XYLT1: variants seen among roughly 807,000 people sequenced by gnomAD.
XYLT1 encodes the protein xylosyltransferase 1, also known as beta-D-xylosyltransferase 1.
A neutral mutation model predicts 91.3 loss-of-function variants in XYLT1; 36 were observed. The observed-to-expected ratio is 0.39, with a 90% CI of 0.30 to 0.52. XYLT1 has a LOEUF of 0.52. Ranked by LOEUF, XYLT1 falls within the 20% of genes least tolerant of loss-of-function variation. The pLI is 0.68. For missense variants in XYLT1, 1,242 were observed against 1,284.5 expected, an observed-to-expected ratio of 0.97 and a Z score of 0.51; for synonymous variants, 588 against 532.0, an observed-to-expected ratio of 1.11 and a Z score of -1.45.
intron 6 of XYLT1, among the ~76,000 whole-genome samples, chr16:17,154,514 G>C (rs2031358970): frequency 6.6e-6 from 1 of 152,204 alleles, no homozygotes; most frequent in South Asian, 2.1e-4. Context: ...CAAGGCCAGG[G>C]ACTTGTAGGG....
At chr16:17,314,330 G>A (rs968166765) in intron 2 of XYLT1, among the ~76,000 whole-genome samples, 1 of 152,094 alleles carries the variant, frequency 6.6e-6, no homozygotes, top group African/African-American at 2.4e-5. Context: ...AGCACCCTTG[G>A]GGTGCTGCAG....
intron 5 of XYLT1, among the ~76,000 whole-genome samples, chr16:17,168,217 TAAGG>T: frequency 6.6e-6 from 1 of 152,166 alleles, no homozygotes; most frequent in Non-Finnish European, 1.5e-5. Flanking sequence ...GTGAACTGGA[TAAGG>T]AAGATGCGGT....
At chr16:17,426,656 T>G (rs1053631930) in intron 1 of XYLT1, among the ~76,000 whole-genome samples, 1 of 152,198 alleles carries the variant, frequency 6.6e-6, no homozygotes, top group Admixed American at 6.5e-5. Context: ...TAAATAAAGT[T>G]TTATTGACAC....
chr16:17,446,209 G>C (rs1182679489), intron 1 of XYLT1: 2 of 152,192 alleles, frequency 1.3e-5, no homozygotes, highest in Non-Finnish European at 2.9e-5. Flanking sequence ...CCAGCTGAGG[G>C]AGAAATCCAG....
At chr16:17,464,489 C>CAAA (rs34575069) in intron 1 of XYLT1, among the ~76,000 whole-genome samples, 6 of 120,056 alleles carry the variant, frequency 5.0e-5, no homozygotes, top group African/African-American at 1.6e-4. Flanking sequence ...AAAACTGTCT[C>CAAA]AAAAAAAAAA....
At chr16:17,412,221 T>C (rs563089984) in intron 1 of XYLT1, among the ~76,000 whole-genome samples, 1 of 152,112 alleles carries the variant, frequency 6.6e-6, no homozygotes, top group East Asian at 1.9e-4. Context: ...AGGTGCAGTT[T>C]GTTCTCACAG....
intron 5 of XYLT1, among the ~76,000 whole-genome samples, chr16:17,183,298 C>A (rs1169390961): frequency 2.0e-5 from 3 of 152,062 alleles, no homozygotes; most frequent in East Asian, 1.9e-4. Flanking sequence ...TCTGATGTAC[C>A]CTGCTCATCT....
At chr16:17,164,887 C>T (rs2031641402) in intron 5 of XYLT1, among the ~76,000 whole-genome samples, 1 of 152,162 alleles carries the variant, frequency 6.6e-6, no homozygotes, top group Non-Finnish European at 1.5e-5. Flanking sequence ...GGAGTTCCCA[C>T]AACACAGGAC....
chr16:17,136,872 T>G (rs543756809), intron 8 of XYLT1, among the ~76,000 whole-genome samples: 1 of 152,216 alleles, frequency 6.6e-6, no homozygotes, highest in African/African-American at 2.4e-5. Context: ...TACAAATGCT[T>G]GTGCCTGGGG....
At chr16:17,337,294 C>G (rs940877145) in intron 2 of XYLT1, among the ~76,000 whole-genome samples, 1 of 152,000 alleles carries the variant, frequency 6.6e-6, no homozygotes. Context: ...TTCAAGCCAG[C>G]CTCCCACTTC....
chr16:17,418,331 G>A (rs1482815411), intron 1 of XYLT1, among the ~76,000 whole-genome samples: 6 of 152,150 alleles, frequency 3.9e-5, no homozygotes, highest in African/African-American at 1.4e-4. Flanking sequence ...TAAGGTGGAG[G>A]CTGGATTTAT....
At chr16:17,300,748 C>T (rs988120866) in intron 2 of XYLT1, among the ~76,000 whole-genome samples, 13 of 151,786 alleles carry the variant, frequency 8.6e-5, no homozygotes, top group East Asian at 3.9e-4. Flanking sequence ...TGTGAACCAC[C>T]GCGCCCAGCC....
At chr16:17,379,763 T>A (rs138403863) in intron 1 of XYLT1, among the ~76,000 whole-genome samples, 41,078 of 123,260 alleles carry the variant, frequency 0.33, 7,399 homozygotes, top group African/African-American at 0.38. Flanking sequence ...TCTCTCTCTC[T>A]CACACACACA....
At chr16:17,342,243 G>T (rs2035071988) in intron 2 of XYLT1, among the ~76,000 whole-genome samples, 1 of 152,182 alleles carries the variant, frequency 6.6e-6, no homozygotes, top group Admixed American at 6.5e-5. Context: ...GGCTGCTCCT[G>T]TTCCTTCCTC....
Position 17,312,087 on chromosome 16 carries a change from T to C in XYLT1, c.402+45925A>G, listed in dbSNP as rs1409917582. Among the ~76,000 whole-genome samples the C allele has an allele frequency of 1.3e-5, 2 of 152,160 alleles. No homozygotes were observed. Among genetic ancestry groups the C allele is most frequent in the Non-Finnish European group, 2.9e-5 (2 of 68,020 alleles). On this transcript the variant is annotated intron_variant, in intron 2 of 11. Coordinates refer to ENST00000261381, the MANE Select transcript of XYLT1 (RefSeq NM_022166.4). The surrounding 1 kb of genome is among the most constrained non-coding windows in gnomAD (Gnocchi z 4.4). ...AGGTCTGAGGCCCAGAAAGGCCTTC[T>C]AGAAGAGTCAAGGTGTGAGCTGGAG...
intron 11 of XYLT1, among the ~76,000 whole-genome samples, chr16:17,115,789 C>T (rs1966850781): frequency 1.0e-5 from 1 of 97,122 alleles, no homozygotes; most frequent in Non-Finnish European, 1.9e-5. Flanking sequence ...CCCAGCCAAC[C>T]TCTGTTATAT....
intron 2 of XYLT1, among the ~76,000 whole-genome samples, chr16:17,273,763 G>A (rs573203722): frequency 6.0e-5 from 9 of 149,384 alleles, no homozygotes; most frequent in Admixed American, 2.7e-4. Flanking sequence ...AGGATCGCTT[G>A]AACCCGGGAG....
rs368039176 is a variant in XYLT1 at position 17,244,138 on chromosome 16, TA to T, written c.913+14849del. ...CACTGAATCAGGGAAAGGGCAGAAC[TA>T]GGGGGAACAGGATGTTCTCCCAGGT... On this transcript the variant is annotated intron_variant, in intron 3 of 11. Coordinates refer to ENST00000261381, the MANE Select transcript of XYLT1 (RefSeq NM_022166.4). 1.1e-3 allele frequency among the ~76,000 whole-genome samples: 166 copies of T among 152,216 alleles called. 2 individuals carry two copies. In the South Asian group the frequency reaches 0.02, roughly 18 times the overall value.
At chr16:17,232,221 C>T (rs1232003410) in intron 3 of XYLT1, among the ~76,000 whole-genome samples, 2 of 112,122 alleles carry the variant, frequency 1.8e-5, no homozygotes, top group African/African-American at 3.9e-5. Context: ...TATATATACA[C>T]CTTCATATTT....
Sources: gnomAD v4.1 joint callset for allele counts (sites outside exome capture counted in the v4.1 genomes callset) on GRCh38, gnomAD v4.1.1 for gene constraint, Gnocchi (gnomAD v3.1) non-coding constraint, MANE v1.5 for transcripts, NCBI Gene and HGNC (gene_info 2026-07-23, HGNC 2026-07-21) for gene names.